PCGF5: variants seen among roughly 807,000 people sequenced by gnomAD.
PCGF5 encodes polycomb group RING finger protein 5.
Under a neutral mutation model 44.3 loss-of-function variants are expected in PCGF5, and 9 were observed. The observed-to-expected ratio is 0.20, with a 90% CI of 0.12 to 0.35. PCGF5 has a LOEUF of 0.35. Among genes scored for constraint, PCGF5 ranks in the 10% least tolerant of loss-of-function variants. The pLI is 1.00. For missense variants in PCGF5, 146 were observed against 305.3 expected (o/e 0.48, Z 3.89); for synonymous variants, 95 against 102.5 (o/e 0.93, Z 0.44).
chr10:91,203,238 T>C (rs1844285281), intron 1 of PCGF5, among the ~76,000 whole-genome samples: 1 of 152,204 alleles, frequency 6.6e-6, no homozygotes, highest in Admixed American at 6.5e-5. Context: ...AGGAAAATTA[T>C]CCAACATTTG....
upstream of PCGF5, among the ~76,000 whole-genome samples, chr10:91,217,322 G>A (rs372940859): frequency 3.9e-5 from 6 of 152,156 alleles, no homozygotes; most frequent in Admixed American, 6.5e-5. Flanking sequence ...ATGAGCCACC[G>A]CACCCAGCTG....
intron 1 of PCGF5, among the ~76,000 whole-genome samples, chr10:91,173,578 C>CTTTTTTTGTTTTTTTTTTTTTTTTTT (rs1843650767): frequency 8.6e-6 from 1 of 115,628 alleles, no homozygotes; most frequent in East Asian, 2.7e-4. Context: ...AGGGAGTTGG[C>CTTTTTTTGTTTTTTTTTTTTTTTTTT]TTTTTTTTTT....
chr10:91,267,200 A>G (rs1220123504), intron 8 of PCGF5, among the ~76,000 whole-genome samples: 4 of 151,774 alleles, frequency 2.6e-5, no homozygotes. Context: ...GTATCCACCT[A>G]CCTCGTTTCC....
At chr10:91,156,795 A>G in the PCGF5 span, among the ~76,000 whole-genome samples, 5 of 152,240 alleles carry the variant, frequency 3.3e-5, no homozygotes, top group Admixed American at 6.5e-5. Flanking sequence ...AGAATTATCC[A>G]TCTCTTCCGA....
At position 91,257,705 on chromosome 10, in the gene PCGF5, T is replaced by C. The variant is rs1231928394; in HGVS notation, c.475-3621T>C. On this transcript the variant is annotated intron_variant, in intron 6 of 9. Transcript: ENST00000336126. ...AGAATTGTATGCAGCTTAAAACTTA[T>C]GAATTGTTTATTTCTAGAATTTTCC... Among the ~76,000 whole-genome samples, 6 of 152,122 alleles carry C rather than the reference T, an allele frequency of 3.9e-5. No homozygotes were observed. In the East Asian group the frequency reaches 7.7e-4, roughly 20 times the overall value.
intron 2 of PCGF5, among the ~76,000 whole-genome samples, chr10:91,229,720 G>T (rs569379605): frequency 1.3e-4 from 20 of 151,914 alleles, no homozygotes; most frequent in African/African-American, 4.8e-4. Flanking sequence ...TTATGATTCT[G>T]AATGAATAGC....
chr10:91,158,185 G>C (rs1438387707), upstream of PCGF5, among the ~76,000 whole-genome samples: 2 of 152,184 alleles, frequency 1.3e-5, no homozygotes, highest in African/African-American at 4.8e-5. Context: ...TTATAGGAGA[G>C]ATAAGCTTCA....
chr10:91,216,382 A>G (rs969125808), upstream of PCGF5, among the ~76,000 whole-genome samples: 1 of 152,192 alleles, frequency 6.6e-6, no homozygotes, highest in Admixed American at 6.5e-5. Context: ...CTATCTATCT[A>G]GCTAGAGAGT....
chr10:91,222,424 A>G (rs1831712261), intron 1 of PCGF5, among the ~76,000 whole-genome samples: 1 of 152,198 alleles, frequency 6.6e-6, no homozygotes, highest in Non-Finnish European at 1.5e-5. Flanking sequence ...GCATTAGTGA[A>G]GAGGTAAAGA....
intron 1 of PCGF5, among the ~76,000 whole-genome samples, chr10:91,166,444 A>G (rs1279282756): frequency 1.3e-5 from 2 of 152,260 alleles, no homozygotes; most frequent in Non-Finnish European, 1.5e-5. Flanking sequence ...ACATTGAAGA[A>G]GTTTTCTGAC....
chr10:91,157,586 A>G, the PCGF5 span, among the ~76,000 whole-genome samples: 5 of 152,204 alleles, frequency 3.3e-5, no homozygotes, highest in Non-Finnish European at 1.5e-5. Context: ...GACAAAAAAG[A>G]CAAGCAAGAG....
At chr10:91,177,263 G>A (rs1278479588) in intron 1 of PCGF5, among the ~76,000 whole-genome samples, 1 of 152,206 alleles carries the variant, frequency 6.6e-6, no homozygotes, top group African/African-American at 2.4e-5. Context: ...TCGTTCCTCT[G>A]GAAGTTTTGT....
chr10:91,217,331 T>C (rs1844562394), upstream of PCGF5, among the ~76,000 whole-genome samples: 1 of 152,188 alleles, frequency 6.6e-6, no homozygotes, highest in South Asian at 2.1e-4. Flanking sequence ...CGCACCCAGC[T>C]GAAAAATTCA....
chr10:91,245,006 T>C (rs578164322), intron 3 of PCGF5, among the ~76,000 whole-genome samples: 4 of 151,988 alleles, frequency 2.6e-5, no homozygotes, highest in South Asian at 2.1e-4. Context: ...CTTCAACATA[T>C]AGAAGGTCTT....
At chr10:91,235,051 A>G (rs538007062) in intron 2 of PCGF5, among the ~76,000 whole-genome samples, 1 of 152,188 alleles carries the variant, frequency 6.6e-6, no homozygotes, top group Non-Finnish European at 1.5e-5. Flanking sequence ...AAATCCTGGA[A>G]TGGGCACCCT....
upstream of PCGF5, among the ~76,000 whole-genome samples, chr10:91,219,187 G>C (rs1369077874): frequency 6.6e-6 from 1 of 152,092 alleles, no homozygotes; most frequent in Admixed American, 6.6e-5. Context: ...CTCAGGTACT[G>C]CTGTATCACA....
rs987295094 is a variant in PCGF5 at position 91,221,010 on chromosome 10, C to T, written c.-184+174C>T. Reference sequence around the variant, plus strand: ...CCGGGCGGGGGCTTCGGAGCTGTGCCTACCTCGGCGGGGAGAGCGGCCGGC... The same window carrying T: ...CCGGGCGGGGGCTTCGGAGCTGTGCTTACCTCGGCGGGGAGAGCGGCCGGC... On this transcript the variant is annotated intron_variant, in intron 1 of 9. Coordinates refer to ENST00000336126, the MANE Select transcript of PCGF5 (RefSeq NM_032373.5). Among the ~76,000 whole-genome samples, 5 of 152,034 alleles carry T rather than the reference C, an allele frequency of 3.3e-5. No individual in the cohort carries two copies. In the East Asian group the frequency reaches 9.7e-4, roughly 30 times the overall value.
chr10:91,163,775 G>C (rs776484696), intron 1 of PCGF5, among the ~76,000 whole-genome samples: 1 of 151,966 alleles, frequency 6.6e-6, no homozygotes, highest in Non-Finnish European at 1.5e-5. Context: ...GCAGGACCCG[G>C]CGGGACCCAC....
intron 1 of PCGF5, among the ~76,000 whole-genome samples, chr10:91,190,904 T>G (rs951889591): frequency 6.6e-6 from 1 of 152,240 alleles, no homozygotes; most frequent in South Asian, 2.1e-4. Context: ...ATTCAAAATA[T>G]ATCTTATTTA....
Sources: gnomAD v4.1 joint callset for allele counts (sites outside exome capture counted in the v4.1 genomes callset) on GRCh38, gnomAD v4.1.1 for gene constraint, MANE v1.5 for transcripts, NCBI Gene and HGNC (gene_info 2026-07-23, HGNC 2026-07-21) for gene names.